The following FAT3 variants were observed in gnomAD, a reference collection of about 807,000 sequenced individuals.
The protein encoded by FAT3 is FAT atypical cadherin 3.
A neutral mutation model predicts 310.2 loss-of-function variants in FAT3; 95 were observed. That is an observed-to-expected ratio of 0.31 (90% confidence interval 0.26 to 0.36). FAT3 has a LOEUF of 0.36. Among genes scored for constraint, FAT3 ranks in the 10% least tolerant of loss-of-function variants. The pLI is 1.00. For missense variants in FAT3, 5,408 were observed against 5,715.6 expected, an observed-to-expected ratio of 0.95 and a Z score of 1.74; for synonymous variants, 2,314 against 2,192.9, an observed-to-expected ratio of 1.06 and a Z score of -1.54.
At chr11:92,867,261 A>G (rs2136353795) in intron 22 of FAT3, 52 bp downstream of exon 22, 1 of 1,472,348 alleles carries the variant, frequency 6.8e-7, no homozygotes, top group Non-Finnish European at 9.0e-7. Flanking sequence ...GGGGAGAGTG[A>G]ATGAACTGCA....
intron 4 of FAT3, among the ~76,000 whole-genome samples, chr11:92,721,852 C>G (rs1944869528): frequency 6.6e-6 from 1 of 152,054 alleles, no homozygotes; most frequent in Admixed American, 6.5e-5. Context: ...TGCAGGGAAA[C>G]TCCTCTTTTT....
intron 3 of FAT3, among the ~76,000 whole-genome samples, chr11:92,571,086 A>G (rs572499280): frequency 6.6e-6 from 1 of 152,148 alleles, no homozygotes; most frequent in Admixed American, 6.6e-5. Context: ...TTAAAATCCA[A>G]ACCTTTTCTT....
chr11:92,645,161 T>A (rs1337266539), intron 3 of FAT3, among the ~76,000 whole-genome samples: 1 of 152,236 alleles, frequency 6.6e-6, no homozygotes, highest in Non-Finnish European at 1.5e-5. Flanking sequence ...AAAACATAAT[T>A]GCAGTTTAGA....
intron 3 of FAT3, among the ~76,000 whole-genome samples, chr11:92,538,814 G>A (rs971566992): frequency 6.6e-6 from 1 of 152,058 alleles, no homozygotes; most frequent in Non-Finnish European, 1.5e-5. Flanking sequence ...AGGTTCTTAT[G>A]GGACCTTTTT....
At position 92,602,345 on chromosome 11, in the gene FAT3, C is replaced by T. The variant is rs781432773; in HGVS notation, c.3607+77397C>T. On this transcript the variant is annotated intron_variant, in intron 3 of 27. Coordinates refer to ENST00000525166, the MANE Select transcript of FAT3 (RefSeq NM_001367949.2). ...CTTGAACTTCTGACCTCAGGTGATC[C>T]GCCCACCTGGGCCTACCAGAGTGCT... Among the ~76,000 whole-genome samples, 12 of 152,274 alleles carry T rather than the reference C, an allele frequency of 7.9e-5. No homozygotes were observed. The South Asian group carries it at 1.7e-3, about 21-fold the overall frequency.
chr11:92,428,229 A>G (rs547597599), intron 2 of FAT3, among the ~76,000 whole-genome samples: 1 of 146,096 alleles, frequency 6.8e-6, no homozygotes, highest in South Asian at 2.2e-4. Flanking sequence ...TATCCCCTTT[A>G]TCATTTTTAT....
chr11:92,587,392 C>T (rs1002662966), intron 3 of FAT3, among the ~76,000 whole-genome samples: 8 of 151,892 alleles, frequency 5.3e-5, no homozygotes, highest in Middle Eastern at 3.2e-3. Context: ...TTCTTGTAAA[C>T]GAATCTGCTT....
intron 4 of FAT3, among the ~76,000 whole-genome samples, chr11:92,722,864 C>T (rs1944903255): frequency 6.6e-6 from 1 of 152,166 alleles, no homozygotes; most frequent in Non-Finnish European, 1.5e-5. Context: ...GGCTAGGATG[C>T]AAGACACCAA....
intron 2 of FAT3, among the ~76,000 whole-genome samples, chr11:92,486,871 TCAGTGTCC>T (rs1427604949): frequency 6.6e-6 from 1 of 152,186 alleles, no homozygotes; most frequent in African/African-American, 2.4e-5. Context: ...AAGATCTTGC[TCAGTGTCC>T]CACTCTCATC....
chr11:92,610,284 A>C (rs988122946), intron 3 of FAT3, among the ~76,000 whole-genome samples: 1 of 152,194 alleles, frequency 6.6e-6, no homozygotes, highest in Non-Finnish European at 1.5e-5. Context: ...ATTTTTCTTA[A>C]GGACATTTAT....
At chr11:92,480,944 CTAA>C (rs1042391012) in intron 2 of FAT3, among the ~76,000 whole-genome samples, 2 of 152,164 alleles carry the variant, frequency 1.3e-5, no homozygotes, top group African/African-American at 2.4e-5. Flanking sequence ...AGGAAAACTA[CTAA>C]TGTTATGTCC....
chr11:92,299,124 A>C (rs1442500025), intron 1 of FAT3, among the ~76,000 whole-genome samples: 1 of 152,038 alleles, frequency 6.6e-6, no homozygotes, highest in Non-Finnish European at 1.5e-5. Flanking sequence ...TCTGGAAAGG[A>C]AGAAGAGATT....
At chr11:92,361,021 C>A (rs1948867232) in intron 2 of FAT3, among the ~76,000 whole-genome samples, 1 of 152,098 alleles carries the variant, frequency 6.6e-6, no homozygotes, top group Non-Finnish European at 1.5e-5. Flanking sequence ...ATATAACAAA[C>A]AATTGTGAAA....
chr11:92,653,238 G>A (rs11499619), intron 3 of FAT3, among the ~76,000 whole-genome samples: 11 of 35,850 alleles, frequency 3.1e-4, no homozygotes, highest in Admixed American at 1.4e-3. Context: ...GTGTGCACAC[G>A]TGTGCATGTC....
At chr11:92,869,720 T>C (rs1166198500) in intron 22 of FAT3, among the ~76,000 whole-genome samples, 1 of 152,220 alleles carries the variant, frequency 6.6e-6, no homozygotes, top group Non-Finnish European at 1.5e-5. Context: ...TATGAAACTA[T>C]GTAGCTAATT....
intron 4 of FAT3, among the ~76,000 whole-genome samples, chr11:92,737,257 T>C (rs1458755289): frequency 6.6e-6 from 1 of 152,190 alleles, no homozygotes; most frequent in Non-Finnish European, 1.5e-5. Flanking sequence ...TGACGGAGGA[T>C]ATACCAGCCC....
At chr11:92,306,645 T>G (rs1458376746) in intron 1 of FAT3, among the ~76,000 whole-genome samples, 2 of 123,774 alleles carry the variant, frequency 1.6e-5, no homozygotes. Flanking sequence ...TTATATATAT[T>G]ATATATATTA....
intron 3 of FAT3, among the ~76,000 whole-genome samples, chr11:92,614,793 A>C (rs997770907): frequency 6.6e-6 from 1 of 152,184 alleles, no homozygotes; most frequent in African/African-American, 2.4e-5. Context: ...TTCTAACTCA[A>C]GGTCACAAAG....
intron 4 of FAT3, among the ~76,000 whole-genome samples, chr11:92,700,440 G>A (rs1791557): frequency 0.51 from 77,455 of 151,778 alleles, 20,917 homozygotes; most frequent in African/African-American, 0.67. Flanking sequence ...GTCAGAGACC[G>A]GCTTGGGGTG....
Sources: allele counts gnomAD v4.1 joint callset (sites outside exome capture counted in the v4.1 genomes callset), GRCh38; gene constraint gnomAD v4.1.1; transcripts MANE v1.5; gene names NCBI Gene and HGNC (gene_info 2026-07-23, HGNC 2026-07-21).